Variants in CACNA1C observed in about 807,000 individuals in gnomAD.
CACNA1C encodes the protein voltage-dependent L-type calcium channel subunit alpha-1C.
In CACNA1C, 30 loss-of-function variants were observed where a neutral mutation model predicts 229.0. The ratio of observed to expected loss-of-function variants is 0.13; its 90% CI spans 0.10 to 0.18. The LOEUF is 0.18. Among genes scored for constraint, CACNA1C ranks in the 10% least tolerant of loss-of-function variants. The pLI is 1.00. For synonymous variants in CACNA1C, 1,114 were observed against 1,132.5 expected, an observed-to-expected ratio of 0.98 and a Z score of 0.33; for missense variants, 1,658 against 2,845.0, an observed-to-expected ratio of 0.58 and a Z score of 9.49.
At chr12:2,315,597 CCA>C (rs2095649452) in intron 3 of CACNA1C, among the ~76,000 whole-genome samples, 1 of 152,174 alleles carries the variant, frequency 6.6e-6, no homozygotes, top group Non-Finnish European at 1.5e-5. Flanking sequence ...CCCGTGCCTC[CCA>C]CAGAGTCCCG....
chr12:2,444,010 C>T lies in CACNA1C; in HGVS notation c.478-4966C>T, dbSNP rs73248712. Reference sequence around the variant, plus strand: ...TGCTACACAGTGACCGTGTCCCAGACGTTTCAACAATAGGCAGCTGTCTTT... The same window carrying T: ...TGCTACACAGTGACCGTGTCCCAGATGTTTCAACAATAGGCAGCTGTCTTT... On this transcript the variant is annotated intron_variant, in intron 3 of 46. Transcript: ENST00000399655. Among the ~76,000 whole-genome samples the T allele has an allele frequency of 4.8e-3, 734 of 152,274 alleles. 10 individuals carry two copies. Among genetic ancestry groups the T allele is most frequent in the African/African-American group, 0.016 (674 of 41,566 alleles).
intron 3 of CACNA1C, among the ~76,000 whole-genome samples, chr12:2,278,290 C>T (rs2089716999): frequency 6.6e-6 from 1 of 152,218 alleles, no homozygotes; most frequent in Admixed American, 6.5e-5. Context: ...ATATAACAAA[C>T]TGCACATATT....
At chr12:2,009,988 A>C (rs1056078811) in intron 1 of CACNA1C, among the ~76,000 whole-genome samples, 2 of 151,224 alleles carry the variant, frequency 1.3e-5, no homozygotes, top group Admixed American at 6.6e-5. Context: ...TAGAAAAAAA[A>C]CCCAAAAAAC....
At chr12:2,066,199 A>G (rs1040573382) in intron 1 of CACNA1C, among the ~76,000 whole-genome samples, 1 of 151,940 alleles carries the variant, frequency 6.6e-6, no homozygotes, top group African/African-American at 2.4e-5. Flanking sequence ...TCTGGATGGG[A>G]AGGGTAGAGG....
chr12:2,405,572 T>G (rs1039755847), intron 3 of CACNA1C, among the ~76,000 whole-genome samples: 2 of 152,256 alleles, frequency 1.3e-5, no homozygotes, highest in African/African-American at 4.8e-5. Context: ...CTCTAGTGTT[T>G]TTGAGTATAT....
chr12:2,052,472 TC>T (rs772099518), upstream of CACNA1C, among the ~76,000 whole-genome samples: 1 of 151,978 alleles, frequency 6.6e-6, no homozygotes, highest in Non-Finnish European at 1.5e-5. Flanking sequence ...TCCTTGGAAT[TC>T]CGCTCACAGA....
intron 3 of CACNA1C, among the ~76,000 whole-genome samples, chr12:2,247,155 T>C (rs2073686660): frequency 6.6e-6 from 1 of 152,190 alleles, no homozygotes; most frequent in Non-Finnish European, 1.5e-5. Flanking sequence ...TATCCTTTAT[T>C]CTTGTCTTAA....
intron 3 of CACNA1C, among the ~76,000 whole-genome samples, chr12:2,402,913 T>A (rs1384235387): frequency 6.6e-6 from 1 of 152,216 alleles, no homozygotes; most frequent in Non-Finnish European, 1.5e-5. Context: ...GTCCATTAAT[T>A]TTTTTCCTAC....
At position 2,348,042 on chromosome 12, in the gene CACNA1C, A is replaced by G. The variant is rs2097097657; in HGVS notation, c.478-100934A>G. Among the ~76,000 whole-genome samples, 1 of 152,216 alleles carries G rather than the reference A, an allele frequency of 6.6e-6. No individual in the cohort carries two copies. Among genetic ancestry groups the G allele is most frequent in the Non-Finnish European group, 1.5e-5 (1 of 68,030 alleles). ...GCCAGTGCCAGCTGGGAAATCTGTG[A>G]GGTCTCCCTGAGGAAGCTTGTCCTA... On this transcript the variant is annotated intron_variant, in intron 3 of 46. Transcript: ENST00000399655. This position sits in a 1 kb window ranked among gnomAD's most constrained non-coding sequence, Gnocchi z 4.7.
chr12:2,416,977 T>C (rs917865985), intron 3 of CACNA1C, among the ~76,000 whole-genome samples: 1 of 152,198 alleles, frequency 6.6e-6, no homozygotes, highest in Non-Finnish European at 1.5e-5. Context: ...GACAGTCCTT[T>C]AGATGTTAGT....
At chr12:2,254,119 C>G (rs2076543622) in intron 3 of CACNA1C, among the ~76,000 whole-genome samples, 1 of 152,200 alleles carries the variant, frequency 6.6e-6, no homozygotes, top group South Asian at 2.1e-4. Context: ...AAACTTGACA[C>G]AGTCCAGAAA....
intron 13 of CACNA1C, among the ~76,000 whole-genome samples, chr12:2,570,143 C>G (rs538472238): frequency 6.6e-6 from 1 of 152,304 alleles, no homozygotes; most frequent in South Asian, 2.1e-4. Flanking sequence ...CTGTGCCCCT[C>G]TAAGGTACAA....
chr12:1,999,643 T>C (rs1310204532), intron 1 of CACNA1C, among the ~76,000 whole-genome samples: 1 of 152,102 alleles, frequency 6.6e-6, no homozygotes, highest in East Asian at 1.9e-4. Flanking sequence ...GGAGGATTGC[T>C]TCAGCCCAGG....
chr12:2,393,792 A>G (rs1595085146), intron 3 of CACNA1C, among the ~76,000 whole-genome samples: 1 of 152,200 alleles, frequency 6.6e-6, no homozygotes, highest in African/African-American at 2.4e-5. Context: ...AAGGGTTTAC[A>G]TCTCTGAATT....
At position 2,464,626 on chromosome 12, in the gene CACNA1C, G is replaced by A. The variant is rs115548420; in HGVS notation, c.757+6920G>A. On this transcript the variant is annotated intron_variant, in intron 5 of 46. Transcript: ENST00000399655. ...TAATGGAATGCTTTAAGGACTTTTC[G>A]TGGGATACGTTTTTCCTAGTATGTG... Among the ~76,000 whole-genome samples, 1,312 of 152,268 alleles carry A rather than the reference G, an allele frequency of 8.6e-3. 20 individuals are homozygous for A. Among genetic ancestry groups the A allele is most frequent in the African/African-American group, 0.03 (1,243 of 41,554 alleles).
intron 29 of CACNA1C, among the ~76,000 whole-genome samples, 165 bp from the exon 30 acceptor site, chr12:2,634,132 A>T (rs2091829170): frequency 1.3e-5 from 2 of 151,480 alleles, no homozygotes; most frequent in Admixed American, 6.6e-5. Context: ...GAGAGTGTTT[A>T]ATATGCCCAC....
chr12:2,545,028 A>C (rs546656188), intron 9 of CACNA1C, among the ~76,000 whole-genome samples: 2 of 152,200 alleles, frequency 1.3e-5, no homozygotes, highest in African/African-American at 4.8e-5. Flanking sequence ...AACAGTGATC[A>C]TGACCTTTTT....
At chr12:2,573,190 G>A (rs192729848) in intron 13 of CACNA1C, among the ~76,000 whole-genome samples, 15 of 152,266 alleles carry the variant, frequency 9.9e-5, no homozygotes, top group Admixed American at 2.6e-4. Flanking sequence ...AAGTAACTGG[G>A]ACTATAAGTG....
At chr12:2,613,458 A>G (rs1471271043) in intron 29 of CACNA1C, 2 of 152,212 alleles carry the variant, frequency 1.3e-5, no homozygotes, top group Non-Finnish European at 1.5e-5. Flanking sequence ...AGAGGGAAAC[A>G]ACCTTGGAGG....
Sources: gnomAD v4.1 joint callset for allele counts (sites outside exome capture counted in the v4.1 genomes callset) on GRCh38, gnomAD v4.1.1 for gene constraint, Gnocchi (gnomAD v3.1) non-coding constraint, MANE v1.5 for transcripts, NCBI Gene and HGNC (gene_info 2026-07-23, HGNC 2026-07-21) for gene names.